PPP2R2B: variants seen among roughly 807,000 people sequenced by gnomAD.
The protein encoded by PPP2R2B is protein phosphatase 2 regulatory subunit Bbeta.
Under a neutral mutation model 46.0 loss-of-function variants are expected in PPP2R2B, and 5 were observed. That is an observed-to-expected ratio of 0.11 (90% CI 0.06 to 0.23). The LOEUF is 0.23. PPP2R2B is among the 10% of genes least tolerant of loss of function. PPP2R2B has a pLI of 1.00. For missense variants in PPP2R2B, 367 were observed against 575.0 expected, an observed-to-expected ratio of 0.64 and a Z score of 3.70; for synonymous variants, 215 against 206.7, an observed-to-expected ratio of 1.04 and a Z score of -0.34.
chr5:147,044,120 C>T (rs187964785), intron 1 of PPP2R2B, among the ~76,000 whole-genome samples: 12 of 152,188 alleles, frequency 7.9e-5, no homozygotes, highest in African/African-American at 2.9e-4. Context: ...AGTCACAGGG[C>T]CCTGCTTGAA....
chr5:146,652,606 G>A (rs908827994), intron 5 of PPP2R2B, among the ~76,000 whole-genome samples: 1 of 152,170 alleles, frequency 6.6e-6, no homozygotes, highest in African/African-American at 2.4e-5. Context: ...CAGGAGGGGA[G>A]TGAAAGGGAG....
At chr5:147,019,846 G>A (rs1755178985) in intron 1 of PPP2R2B, among the ~76,000 whole-genome samples, 1 of 152,156 alleles carries the variant, frequency 6.6e-6, no homozygotes, top group African/African-American at 2.4e-5. Flanking sequence ...TCCGAGGCTA[G>A]ATCTGATTCT....
chr5:146,848,251 T>G (rs902647573), intron 2 of PPP2R2B, among the ~76,000 whole-genome samples: 11 of 152,228 alleles, frequency 7.2e-5, no homozygotes, highest in Non-Finnish European at 1.5e-4. Flanking sequence ...ATTTCTCCTA[T>G]TGTGAATATC....
intron 1 of PPP2R2B, among the ~76,000 whole-genome samples, chr5:147,010,944 G>T (rs1484695503): frequency 6.6e-6 from 1 of 152,108 alleles, no homozygotes; most frequent in African/African-American, 2.4e-5. Flanking sequence ...AGAAGCCGGG[G>T]TTATCCTTCA....
intron 5 of PPP2R2B, among the ~76,000 whole-genome samples, chr5:146,656,014 G>T (rs970244050): frequency 6.6e-6 from 1 of 152,152 alleles, no homozygotes; most frequent in Non-Finnish European, 1.5e-5. Context: ...TGTGCTTCTG[G>T]GGTGAGGTCA....
chr5:147,044,160 T>C lies in PPP2R2B; in HGVS notation c.79+11505A>G, dbSNP rs577042183. Among the ~76,000 whole-genome samples the C allele has an allele frequency of 1.4e-4, 21 of 152,162 alleles. No individual in the cohort carries two copies. The South Asian group carries it at 4.4e-3, about 32-fold the overall frequency. ...TTTGAAATCTTTAGGCTGTACAGAG[T>C]ATGAAAACCCTCCTCATTCTCATGT... On this transcript the variant is annotated intron_variant, in intron 1 of 8. Coordinates refer to the PPP2R2B transcript ENST00000336640.
chr5:146,845,406 T>C (rs905403079), intron 2 of PPP2R2B, among the ~76,000 whole-genome samples: 4 of 151,022 alleles, frequency 2.6e-5, no homozygotes, highest in Non-Finnish European at 5.9e-5. Context: ...CCCAGGTTCA[T>C]GCCTGGCTAA....
At chr5:147,009,437 G>A (rs1274186868) in intron 1 of PPP2R2B, among the ~76,000 whole-genome samples, 1 of 151,912 alleles carries the variant, frequency 6.6e-6, no homozygotes, top group Non-Finnish European at 1.5e-5. Context: ...ATATTTCTTT[G>A]AAAGCAGATA....
At chr5:146,649,123 A>C (rs1188997441) in intron 6 of PPP2R2B, among the ~76,000 whole-genome samples, 1 of 152,228 alleles carries the variant, frequency 6.6e-6, no homozygotes, top group Non-Finnish European at 1.5e-5. Context: ...ATGCTAGTGT[A>C]GGTAGGTAGA....
intron 2 of PPP2R2B, among the ~76,000 whole-genome samples, chr5:146,818,975 C>T (rs1758096476): frequency 6.6e-6 from 1 of 152,174 alleles, no homozygotes; most frequent in African/African-American, 2.4e-5. Flanking sequence ...GCCTCTTTCC[C>T]CTACCCTCAA....
At chr5:146,590,838 G>A (rs914829780) in intron 9 of PPP2R2B, among the ~76,000 whole-genome samples, 1 of 151,442 alleles carries the variant, frequency 6.6e-6, no homozygotes. Context: ...TGTCATCATG[G>A]TCTTATCTAG....
chr5:146,808,931 G>A (rs998700031), intron 2 of PPP2R2B, among the ~76,000 whole-genome samples: 3 of 151,594 alleles, frequency 2.0e-5, no homozygotes, highest in East Asian at 2.0e-4. Flanking sequence ...TAAAATCCTC[G>A]AGGCAGAAAT....
intron 1 of PPP2R2B, chr5:147,035,055 G>A: frequency 6.6e-6 from 3 of 453,518 alleles, no homozygotes; most frequent in South Asian, 1.6e-5. Flanking sequence ...TCTGAACTCA[G>A]CTCATTTAAC....
chr5:146,639,196 A>G (rs1235745478), intron 6 of PPP2R2B, among the ~76,000 whole-genome samples: 1 of 152,222 alleles, frequency 6.6e-6, no homozygotes, highest in Non-Finnish European at 1.5e-5. Flanking sequence ...TGTATGATAT[A>G]TAAGACTTCT....
intron 9 of PPP2R2B, among the ~76,000 whole-genome samples, chr5:146,592,563 G>A (rs187577363): frequency 2.0e-4 from 30 of 152,348 alleles, no homozygotes; most frequent in Admixed American, 9.1e-4. Context: ...TACCAGGGCC[G>A]TTGGCCAGGT....
exon 1 of PPP2R2B, chr5:147,081,420 G>A (rs1757964335): frequency 2.1e-6 from 2 of 937,368 alleles, no homozygotes; most frequent in Non-Finnish European, 3.3e-6. Flanking sequence ...TCAGGCCCTG[G>A]CAGCGTCCTG....
chr5:146,670,739 G>A (rs1224313906), intron 5 of PPP2R2B, among the ~76,000 whole-genome samples: 2 of 151,868 alleles, frequency 1.3e-5, no homozygotes, highest in Admixed American at 6.6e-5. Context: ...CAAGCGATCC[G>A]CATGCCTGGC....
At chr5:147,029,583 G>A (rs1167985339) in intron 1 of PPP2R2B, among the ~76,000 whole-genome samples, 1 of 152,078 alleles carries the variant, frequency 6.6e-6, no homozygotes, top group African/African-American at 2.4e-5. Context: ...GTGCCCCCCT[G>A]CAAATTTATA....
chr5:146,687,462 T>C (rs193216237), intron 5 of PPP2R2B, among the ~76,000 whole-genome samples: 1 of 152,152 alleles, frequency 6.6e-6, no homozygotes, highest in East Asian at 1.9e-4. Flanking sequence ...TGCAGCGTGG[T>C]GCATGGTATA....
Sources: allele counts gnomAD v4.1 joint callset (sites outside exome capture counted in the v4.1 genomes callset), GRCh38; gene constraint gnomAD v4.1.1; transcripts MANE v1.5; gene names NCBI Gene and HGNC (gene_info 2026-07-23, HGNC 2026-07-21).